TP53BP1: variants seen among roughly 807,000 people sequenced by gnomAD.
TP53BP1 encodes the protein TP53-binding protein 1.
In TP53BP1, 61 loss-of-function variants were observed where a neutral mutation model predicts 200.8. That is an observed-to-expected ratio of 0.30 (90% CI 0.25 to 0.38). The LOEUF is 0.38. Ranked by LOEUF, TP53BP1 falls within the 10% of genes least tolerant of loss-of-function variation. TP53BP1 has a pLI of 1.00. For synonymous variants in TP53BP1, 822 were observed against 844.3 expected (o/e 0.97, Z 0.46); for missense variants, 2,144 against 2,371.9 (o/e 0.90, Z 2.00).
chr15:43,487,919 G>A (rs1020158088), intron 4 of TP53BP1, among the ~76,000 whole-genome samples: 2 of 152,046 alleles, frequency 1.3e-5, no homozygotes, highest in African/African-American at 2.4e-5. Flanking sequence ...GTACATCCAC[G>A]GCATGGAAGA....
chr15:43,421,769 C>A lies in TP53BP1; in HGVS notation c.4100+86G>T, dbSNP rs187859523. On this transcript the variant is annotated intron_variant, in intron 19 of 27. Coordinates refer to ENST00000382044, the MANE Select transcript of TP53BP1 (RefSeq NM_001141980.3). ...TCTTTAATGGAGGATGGGGGATTTC[C>A]CATTACTCCCCTTTTCCTGTGATAT... 6.2e-3 allele frequency: 9,278 copies of A among 1,498,964 alleles called. 41 individuals are homozygous for A. The highest frequency in any genetic ancestry group is 7.4e-3 in the Non-Finnish European group (8,137 of 1,101,344). The allele number at this position is 1,498,964 out of a possible 1,614,324, so 92.9% of individuals were successfully genotyped here.
intron 17 of TP53BP1, among the ~76,000 whole-genome samples, chr15:43,430,320 G>C (rs1358407593): frequency 1.3e-5 from 2 of 152,124 alleles, no homozygotes; most frequent in Non-Finnish European, 2.9e-5. Context: ...TGGAAAACTT[G>C]CATACAGCCT....
intron 21 of TP53BP1, 109 bp downstream of exon 21, chr15:43,420,196 T>A: frequency 9.1e-7 from 1 of 1,099,576 alleles, no homozygotes; most frequent in Non-Finnish European, 1.3e-6. Flanking sequence ...TTTCTGACTT[T>A]AGAGACACTG....
At chr15:43,412,926 CTG>C (rs1335055079) in intron 24 of TP53BP1, among the ~76,000 whole-genome samples, 191 bp downstream of exon 24, 1 of 152,212 alleles carries the variant, frequency 6.6e-6, no homozygotes, top group African/African-American at 2.4e-5. Flanking sequence ...GAACCACTCA[CTG>C]AGAGGAATTT....
At position 43,422,093 on chromosome 15, in the gene TP53BP1, A is replaced by G. The variant is rs1210471024; in HGVS notation, c.3862T>C (p.Cys1288Arg). Residue 1288 changes from cysteine to arginine, a missense_variant, in exon 19 of 28, where the codon TGT (cysteine) becomes CGT (arginine). Cys to Arg is a radical substitution (Grantham distance 180, BLOSUM62 -3). Transcript: ENST00000382044. Reference protein sequence around the residue: ...TEEPIVECQECETEVSPSQTG... With the variant: ...TEEPIVECQERETEVSPSQTG... Reference sequence around the variant, plus strand: ...TGTGAAGGGGAAACTTCAGTTTCACACTCCTGACACTCTACAATTGGCTCT... The same window carrying G: ...TGTGAAGGGGAAACTTCAGTTTCACGCTCCTGACACTCTACAATTGGCTCT... 3.1e-6 allele frequency: 5 copies of G among 1,614,020 alleles called. No individual in the cohort carries two copies. Among genetic ancestry groups the G allele is most frequent in the Non-Finnish European group, 3.4e-6 (4 of 1,180,018 alleles).
intron 16 of TP53BP1, among the ~76,000 whole-genome samples, chr15:43,436,903 T>C (rs2045811906): frequency 6.6e-6 from 1 of 151,972 alleles, no homozygotes; most frequent in Admixed American, 6.6e-5. Flanking sequence ...TGCTCATATC[T>C]GTAATTCTAG....
chr15:43,470,839 C>T (rs2046707953), intron 10 of TP53BP1, among the ~76,000 whole-genome samples: 1 of 152,202 alleles, frequency 6.6e-6, no homozygotes, highest in Non-Finnish European at 1.5e-5. Context: ...TCACAAACTA[C>T]TAACAACATT....
intron 18 of TP53BP1, among the ~76,000 whole-genome samples, chr15:43,425,265 T>A (rs2045500605): frequency 6.6e-6 from 1 of 152,156 alleles, no homozygotes; most frequent in Non-Finnish European, 1.5e-5. Context: ...ACCTTTTCCC[T>A]CCATCAAACT....
chr15:43,471,484 T>C (rs1398653406), intron 10 of TP53BP1, among the ~76,000 whole-genome samples: 1 of 152,102 alleles, frequency 6.6e-6, no homozygotes, highest in Non-Finnish European at 1.5e-5. Flanking sequence ...TGCGACGCAG[T>C]GGTGCCACCT....
chr15:43,456,036 G>T lies in TP53BP1; in HGVS notation c.2572C>A (p.Pro858Thr). ...TTACTTGTTTTCTCCTGAGTTTGGG[G>T]CTGCTGCAACTCCTGGTCAAGTCTT... ...PLRLDQELQQ[P>T]QTQEKTSNSL... The change falls in exon 12 of 28, where the codon CCC (proline) becomes ACC (threonine). Residue 858 changes from proline (P) to threonine (T), a missense_variant. Around this residue, in one of 4 missense-constraint regions of TP53BP1, gnomAD observed 1,700 missense variants for 1,710.3 expected, o/e 0.99. Transcript: ENST00000382044. 1 of 1,614,152 alleles carries T rather than the reference G, an allele frequency of 6.2e-7. No individual in the cohort carries two copies. The highest frequency in any genetic ancestry group is 8.5e-7 in the Non-Finnish European group (1 of 1,180,048).
chr15:43,427,368 C>T (rs1311447789), intron 18 of TP53BP1, among the ~76,000 whole-genome samples: 2 of 152,232 alleles, frequency 1.3e-5, no homozygotes, highest in South Asian at 4.1e-4. Context: ...TAGTTTGAAA[C>T]GGAGTGTTCT....
chr15:43,480,243 G>A (rs915443376), intron 5 of TP53BP1, among the ~76,000 whole-genome samples: 4 of 152,036 alleles, frequency 2.6e-5, no homozygotes, highest in Non-Finnish European at 4.4e-5. Flanking sequence ...AGGTCAGGCG[G>A]TCAAGACCAG....
chr15:43,440,680 G>A (rs980399777), intron 15 of TP53BP1, among the ~76,000 whole-genome samples: 1 of 152,054 alleles, frequency 6.6e-6, no homozygotes, highest in Non-Finnish European at 1.5e-5. Flanking sequence ...TTGAGCCCAG[G>A]AGTTCAAGGC....
chr15:43,455,906 C>T lies in TP53BP1; in HGVS notation c.2702G>A (p.Cys901Tyr), dbSNP rs2046281923. 6.2e-7 allele frequency: 1 copy of T among 1,614,086 alleles called. No individual in the cohort carries two copies. The highest frequency in any genetic ancestry group is 1.3e-5 in the African/African-American group (1 of 75,050). The change falls in exon 12 of 28, where the codon TGT (cysteine) becomes TAT (tyrosine). Residue 901 changes from cysteine (C) to tyrosine (Y), a missense_variant. Physicochemically the swap from Cys to Tyr is radical, Grantham distance 194 (BLOSUM62 -2). Coordinates refer to ENST00000382044, the MANE Select transcript of TP53BP1 (RefSeq NM_001141980.3). ...KPSAHASQSF[C>Y]ESSSETPFHF... is the part of the protein sequence containing the mutation. ...ATCACACTCACCACTAGAACTTTCA[C>T]AGAAGCTTTGTGAGGCATGGGCAGA...
At position 43,432,411 on chromosome 15, in the gene TP53BP1, C is replaced by G; in HGVS notation, c.3458G>C (p.Ser1153Thr). The G allele has an allele frequency of 6.2e-7, 1 of 1,614,206 alleles. No individual in the cohort carries two copies. The part of the protein sequence containing the change: ...NPSKALIERP[S>T]QNNIGIQTME... ...GGTTTGGATTCCTATGTTATTTTGGCTGGGCCTTTCAATCAAGGCCTTACT... is the reference window on the plus strand; with the variant it reads ...GGTTTGGATTCCTATGTTATTTTGGGTGGGCCTTTCAATCAAGGCCTTACT... Residue 1153 changes from serine (S) to threonine (T), a missense_variant, in exon 17 of 28, where the codon AGC becomes ACC. Coordinates refer to ENST00000382044, the MANE Select transcript of TP53BP1 (RefSeq NM_001141980.3).
chr15:43,411,643 G>A (rs1385848014), intron 24 of TP53BP1, among the ~76,000 whole-genome samples: 2 of 152,224 alleles, frequency 1.3e-5, no homozygotes, highest in Non-Finnish European at 2.9e-5. Context: ...GTTGGGCTGC[G>A]CCCAAGGATG....
At chr15:43,444,467 T>C (rs1207189550) in intron 14 of TP53BP1, among the ~76,000 whole-genome samples, 1 of 152,186 alleles carries the variant, frequency 6.6e-6, no homozygotes, top group Admixed American at 6.5e-5. Flanking sequence ...ATGTAATACT[T>C]TAACTCAGTC....
At chr15:43,441,490 T>C in intron 15 of TP53BP1, 36 bp downstream of exon 15, 1 of 1,396,660 alleles carries the variant, frequency 7.2e-7, no homozygotes, top group Non-Finnish European at 1.0e-6. Context: ...CCAGTAGCTG[T>C]GTATTAAACT....
At chr15:43,421,587 C>A in intron 19 of TP53BP1, 1 of 559,516 alleles carries the variant, frequency 1.8e-6, no homozygotes, top group South Asian at 2.2e-5. Flanking sequence ...GCAGTGCCCA[C>A]CAGATGATAA....
Sources: allele counts gnomAD v4.1 joint callset (sites outside exome capture counted in the v4.1 genomes callset), GRCh38; gene constraint gnomAD v4.1.1; regional missense constraint gnomAD v4.1.1; transcripts MANE v1.5; gene names NCBI Gene and HGNC (gene_info 2026-07-23, HGNC 2026-07-21).